The following USP36 variants were observed in gnomAD, a reference collection of about 807,000 sequenced individuals.
The protein encoded by USP36 is ubiquitin specific peptidase 36, also known as ubiquitin carboxyl-terminal hydrolase 36.
USP36 carries 59 observed loss-of-function variants against 111.5 expected under a neutral mutation model. The ratio of observed to expected loss-of-function variants is 0.53; its 90% CI spans 0.43 to 0.66. The LOEUF is 0.66. Among genes scored for constraint, USP36 ranks in the 30% least tolerant of loss-of-function variants. The pLI is 0.00. For missense variants in USP36, 1,488 were observed against 1,468.0 expected, an observed-to-expected ratio of 1.01 and a Z score of -0.22; for synonymous variants, 628 against 581.0, an observed-to-expected ratio of 1.08 and a Z score of -1.16.
rs377166812 is a variant in USP36 at position 78,836,184 on chromosome 17, A to G, written c.180T>C (p.Tyr60=). Residue 60 remains tyrosine, a synonymous_variant, in exon 3 of 21, where the codon TAT becomes TAC. Transcript: ENST00000449938. ...CCTCTGTTTTGGGGTTGAGCAACACATATTTGCTCTTTAAGGCCTCCAGCT... is the reference window on the plus strand; with the variant it reads ...CCTCTGTTTTGGGGTTGAGCAACACGTATTTGCTCTTTAAGGCCTCCAGCT... ...SYQLEALKSK[Y]VLLNPKTEGA... The G allele has an allele frequency of 1.2e-6, 2 of 1,613,942 alleles. No homozygotes were observed. Among genetic ancestry groups the G allele is most frequent in the Non-Finnish European group, 1.7e-6 (2 of 1,180,042 alleles).
At chr17:78,828,075 C>T (rs1033163051) in intron 5 of USP36, among the ~76,000 whole-genome samples, 1 of 151,990 alleles carries the variant, frequency 6.6e-6, no homozygotes, top group African/African-American at 2.4e-5. Flanking sequence ...AATACAAAAA[C>T]AGTCAAGTGT....
At chr17:78,832,548 C>T (rs1481271422) in intron 4 of USP36, among the ~76,000 whole-genome samples, 1 of 152,246 alleles carries the variant, frequency 6.6e-6, no homozygotes, top group East Asian at 1.9e-4. Flanking sequence ...TTGCTGCTGA[C>T]ATGCTGCAAC....
chr17:78,792,953 T>A (rs191417270), downstream of USP36, among the ~76,000 whole-genome samples: 15 of 152,200 alleles, frequency 9.9e-5, no homozygotes, highest in East Asian at 2.9e-3. Context: ...TGACCTCAAG[T>A]GATCCGCCCG....
rs2093803458 is a variant in USP36, at chr17:78,803,324, C to T, written c.2810+61G>A. On this transcript the variant is annotated intron_variant, in intron 16 of 20. Coordinates refer to ENST00000449938, the MANE Select transcript of USP36 (RefSeq NM_001385174.1). The surrounding 1 kb of genome is among the most constrained non-coding windows in gnomAD (Gnocchi z 4.6). Reference sequence around the variant, plus strand: ...GACCATACCTACTTGGGGGTAGATTCTGTGGTTTTGCTTTGTTTCTCGTCA... The same window carrying T: ...GACCATACCTACTTGGGGGTAGATTTTGTGGTTTTGCTTTGTTTCTCGTCA... The T allele has an allele frequency of 1.3e-6, 2 of 1,535,358 alleles. No individual in the cohort carries two copies. The highest frequency in any genetic ancestry group is 2.7e-5 in the African/African-American group (2 of 73,174).
chr17:78,827,422 G>A, intron 5 of USP36, 75 bp from the exon 6 acceptor site: 2 of 1,416,396 alleles, frequency 1.4e-6, no homozygotes, highest in East Asian at 2.4e-5. Context: ...TTCCTGAATG[G>A]CCATTCCTGG....
intron 7 of USP36, 152 bp from the exon 8 acceptor site, chr17:78,821,213 C>A: frequency 1.5e-6 from 1 of 650,998 alleles, no homozygotes; most frequent in Non-Finnish European, 2.6e-6. Context: ...GGTGTCCGAA[C>A]AGAGAGCTCT....
intron 6 of USP36, chr17:78,822,985 G>A: frequency 2.5e-6 from 1 of 396,882 alleles, no homozygotes; most frequent in South Asian, 1.4e-4. Context: ...GCACAAAGCG[G>A]GGCTGTTTCC....
Position 78,811,394 on chromosome 17 carries a change from T to A in USP36, c.1407+1466A>T, listed in dbSNP as rs75130659. On this transcript the variant is annotated intron_variant, in intron 13 of 20. Transcript: ENST00000449938. ...GTATATATGTATGACTATGTACGTA[T>A]GCATATACACATATTTCTATTTCTG... 9.3e-3 allele frequency among the ~76,000 whole-genome samples: 1,421 copies of A among 152,328 alleles called. 21 individuals are homozygous for A. Among genetic ancestry groups the A allele is most frequent in the African/African-American group, 0.032 (1,333 of 41,566 alleles).
intron 3 of USP36, among the ~76,000 whole-genome samples, chr17:78,787,842 G>T (rs999497355): frequency 2.0e-5 from 3 of 152,210 alleles, no homozygotes; most frequent in Non-Finnish European, 4.4e-5. Flanking sequence ...AGATCATTAG[G>T]GTGGGACCTA....
Position 78,802,528 on chromosome 17 carries a change from G to C in USP36, c.2818C>G (p.Pro940Ala). Reference protein sequence around the residue: ...HQDPLRHSCSPMGDGDPEAME... With the variant: ...HQDPLRHSCSAMGDGDPEAME... ...GCCTCTGGATCACCATCACCCATGG[G>C]AGAGCAGCTGCTTGGAAGTGAGAGG... Residue 940 changes from proline (P) to alanine (A), a missense_variant, in exon 17 of 21, where the codon CCC (proline) becomes GCC (alanine). Pro to Ala is a conservative substitution (Grantham distance 27, BLOSUM62 -1). Coordinates refer to ENST00000449938, the MANE Select transcript of USP36 (RefSeq NM_001385174.1). 6.2e-7 allele frequency: 1 copy of C among 1,604,600 alleles called. No individual in the cohort carries two copies. The highest frequency in any genetic ancestry group is 8.5e-7 in the Non-Finnish European group (1 of 1,179,634).
chr17:78,837,461 T>C (rs932763359), intron 2 of USP36, among the ~76,000 whole-genome samples: 1 of 152,100 alleles, frequency 6.6e-6, no homozygotes, highest in East Asian at 1.9e-4. Context: ...AACCCCCTAT[T>C]CTACTGTAAA....
At position 78,806,238 on chromosome 17, in the gene USP36, G is replaced by T. The variant is rs143307341; in HGVS notation, c.2134C>A (p.Pro712Thr). 282 of 1,613,864 alleles carry T rather than the reference G, an allele frequency of 1.7e-4. No individual in the cohort carries two copies. The highest frequency in any genetic ancestry group is 3.8e-5 in the Non-Finnish European group (45 of 1,180,014). The change falls in exon 15 of 21, where the codon CCC (proline) becomes ACC (threonine). Residue 712 changes from proline (P) to threonine (T), a missense_variant. Physicochemically the swap from Pro to Thr is conservative, Grantham distance 38. This residue lies in a region of USP36 where 1,073 missense variants were observed against 994.1 expected (regional missense o/e 1.08). Coordinates refer to ENST00000449938, the MANE Select transcript of USP36 (RefSeq NM_001385174.1). ...ATGNDLRPPP[P>T]SPSSDLTHPM... ...TGGGTGAGGTCGGAGGATGGTGAGG[G>T]GGGAGGTGGACGGAGGTCATTGCCG...
intron 6 of USP36, among the ~76,000 whole-genome samples, chr17:78,826,214 G>C (rs1437546939): frequency 6.6e-6 from 1 of 152,196 alleles, no homozygotes; most frequent in African/African-American, 2.4e-5. Context: ...AGTGAAAGTT[G>C]CCTTCATATA....
In USP36 at chr17:78,806,949, A is replaced by C. The variant is rs748888707; in HGVS notation, c.2085+10T>G. 7 of 1,613,290 alleles carry C rather than the reference A, an allele frequency of 4.3e-6. No homozygotes were observed. In the South Asian group the frequency reaches 7.7e-5, roughly 18 times the overall value. On this transcript the variant is annotated intron_variant, in intron 14 of 20. Coordinates refer to ENST00000449938, the MANE Select transcript of USP36 (RefSeq NM_001385174.1). ...GATACACAGCAGCGGCGAGACCCCC[A>C]CACACCCACCTTCTTGGCAGAAAGG...
Position 78,812,972 on chromosome 17 carries a change from C to T in USP36, c.1295G>A (p.Gly432Asp), listed in dbSNP as rs1321029001. Residue 432 changes from glycine (G) to aspartate (D), a missense_variant, in exon 13 of 21, where the codon GGC becomes GAC. Gly to Asp is a moderately conservative substitution (Grantham distance 94). Transcript: ENST00000449938. The part of the protein sequence containing the change: ...RIPGSKKSPE[G>D]LISRTGSSSL... ...GGAGGAGCCTGTCCTGGAGATGAGG[C>T]CCTCGGGACTTTTCTTAGAGCCTGG... 1 of 1,613,910 alleles carries T rather than the reference C, an allele frequency of 6.2e-7. No homozygotes were observed. Among genetic ancestry groups the T allele is most frequent in the Non-Finnish European group, 8.5e-7 (1 of 1,180,006 alleles).
In USP36 at chr17:78,828,933, C is replaced by T. The variant is rs139783752; in HGVS notation, c.550G>A (p.Ala184Thr). 2,109 of 1,614,170 alleles carry T rather than the reference C, an allele frequency of 1.3e-3. 4 individuals are homozygous for T. Among genetic ancestry groups the T allele is most frequent in the Non-Finnish European group, 1.6e-3 (1,931 of 1,180,030 alleles). ...CGGATGAAGGAGACGGGCTTGATGGCGTTGCCGCTGTTGGCGAAGGCCTGG... is the reference window on the plus strand; with the variant it reads ...CGGATGAAGGAGACGGGCTTGATGGTGTTGCCGCTGTTGGCGAAGGCCTGG... Reference protein sequence around the residue: ...IVQAFANSGNAIKPVSFIRDL... With the variant: ...IVQAFANSGNTIKPVSFIRDL... The change falls in exon 5 of 21, where the codon GCC becomes ACC. Residue 184 changes from alanine (A) to threonine (T), a missense_variant. By Grantham distance (58) the Ala-to-Thr change is moderately conservative. Coordinates refer to ENST00000449938, the MANE Select transcript of USP36 (RefSeq NM_001385174.1).
At chr17:78,800,873 G>C (rs779150729) in intron 17 of USP36, among the ~76,000 whole-genome samples, 50 of 151,982 alleles carry the variant, frequency 3.3e-4, no homozygotes, top group Non-Finnish European at 3.4e-4. Flanking sequence ...CTGGCGCACC[G>C]CAAGTGCTCA....
At chr17:78,824,976 C>T (rs375730032) in intron 6 of USP36, among the ~76,000 whole-genome samples, 102 of 152,276 alleles carry the variant, frequency 6.7e-4, no homozygotes, top group African/African-American at 2.0e-3. Context: ...ATGACAGTTA[C>T]GAATATCTAA....
At chr17:78,839,467 A>G (rs1404632852) in intron 1 of USP36, among the ~76,000 whole-genome samples, 1 of 152,204 alleles carries the variant, frequency 6.6e-6, no homozygotes, top group Non-Finnish European at 1.5e-5. Context: ...CAGTCGTATT[A>G]AAAACTCCCC....
Sources: allele counts gnomAD v4.1 joint callset (sites outside exome capture counted in the v4.1 genomes callset), GRCh38; gene constraint gnomAD v4.1.1; regional missense constraint gnomAD v4.1.1; non-coding constraint Gnocchi (gnomAD v3.1); transcripts MANE v1.5; gene names NCBI Gene and HGNC (gene_info 2026-07-23, HGNC 2026-07-21).